The following NBPF20 variants were observed in gnomAD, a reference collection of about 807,000 sequenced individuals.
NBPF20 encodes the protein NBPF member 20, also known as NBPF family member NBPF20.
NBPF20 carries 90 observed loss-of-function variants against 68.1 expected under a neutral mutation model. The observed-to-expected ratio is 1.32, with a 90% CI of 1.11 to 1.58. The LOEUF (loss-of-function observed/expected upper bound fraction) is 1.58. Among genes scored for constraint, NBPF20 ranks in the 40% most tolerant of loss-of-function variants. The pLI is 0.00. For synonymous variants in NBPF20, 290 were observed against 228.1 expected, an observed-to-expected ratio of 1.27 and a Z score of -2.45; for missense variants, 816 against 601.2, an observed-to-expected ratio of 1.36 and a Z score of -3.74.
At chr1:145,397,918 A>C (rs1296007059) in intron 7 of NBPF20, among the ~76,000 whole-genome samples, 1 of 152,190 alleles carries the variant, frequency 6.6e-6, no homozygotes, top group African/African-American at 2.4e-5. Context: ...AAACAAAAAA[A>C]GGCAGGGGTT....
intron 79 of NBPF20, among the ~76,000 whole-genome samples, chr1:145,338,053 AG>A (rs1661588959): frequency 2.6e-5 from 2 of 78,332 alleles, no homozygotes; most frequent in African/African-American, 1.0e-4. Flanking sequence ...ACACACACAC[AG>A]AGAGAGAGAG....
exon 4 of NBPF20, chr1:145,402,336 C>G: frequency 6.2e-7 from 1 of 1,603,762 alleles, no homozygotes; most frequent in Admixed American, 1.7e-5. Context: ...TCTCCCTTAA[C>G]TGGGTCAGCT....
upstream of NBPF20, chr1:145,407,975 G>A (rs1312796185): frequency 5.7e-6 from 1 of 175,910 alleles, no homozygotes; most frequent in African/African-American, 2.4e-5. Context: ...CTGTGGTCCT[G>A]GACTCACTGC....
intron 6 of NBPF20, among the ~76,000 whole-genome samples, chr1:145,399,903 A>T (rs1441748492): frequency 1.3e-4 from 20 of 151,780 alleles, no homozygotes; most frequent in Non-Finnish European, 2.5e-4. Context: ...AGTAAAGAAG[A>T]AAAGTTTCTG....
At chr1:145,407,196 C>T (rs1662826468), upstream of NBPF20, among the ~76,000 whole-genome samples, 2 of 150,452 alleles carry the variant, frequency 1.3e-5, no homozygotes, top group African/African-American at 4.9e-5. Context: ...GCGGTGCGAG[C>T]ATGTTCTCAC....
intron 8 of NBPF20, among the ~76,000 whole-genome samples, 159 bp from the exon 14 acceptor site, chr1:145,394,094 G>T (rs1330454190): frequency 6.6e-6 from 1 of 152,010 alleles, no homozygotes; most frequent in African/African-American, 2.4e-5. Context: ...GTCAAGTCTT[G>T]AGAAAACTGG....
chr1:145,403,263 G>C, exon 3 of NBPF20: 1 of 1,612,154 alleles, frequency 6.2e-7, no homozygotes. Context: ...TCTCCTCCTT[G>C]AACTGTCGCT....
rs782609540 is a variant in NBPF20, at chr1:145,291,685, G to C, written c.16782C>G (p.Tyr5594Ter). The change falls in exon 138 of 138, where the codon TAC becomes TAG. Residue 5594 changes from tyrosine to a stop codon, truncating the protein, a stop_gained. Transcript: ENST00000369373. LOFTEE classifies it high-confidence loss of function. ...GCTGGAATGAGTCAGGTAGTTCAAA[G>C]TACATTGACGGAGTAGAATAACATC... 1.4e-5 allele frequency: 22 copies of C among 1,611,810 alleles called. No individual in the cohort carries two copies. Among genetic ancestry groups the C allele is most frequent in the African/African-American group, 2.7e-5 (2 of 74,784 alleles).
chr1:145,424,219 G>A, the NBPF20 span, among the ~76,000 whole-genome samples: 1 of 149,118 alleles, frequency 6.7e-6, no homozygotes, highest in African/African-American at 2.5e-5. Flanking sequence ...CAAGTGATCC[G>A]CCCACCTTGG....
intron 9 of NBPF20, 139 bp downstream of exon 14, chr1:145,393,745 C>T: frequency 6.6e-7 from 1 of 1,515,068 alleles, no homozygotes; most frequent in Non-Finnish European, 9.0e-7. Context: ...CTAATGAGAA[C>T]CAGAAAGCAA....
At chr1:145,405,747 AGACCCGTG>A (rs1314990502), upstream of NBPF20, 1 of 447,494 alleles carries the variant, frequency 2.2e-6, no homozygotes, top group Non-Finnish European at 3.9e-6. Context: ...ACAATGCCAC[AGACCCGTG>A]TCTTTCCCAA....
the NBPF20 span, among the ~76,000 whole-genome samples, chr1:145,411,458 C>A: frequency 5.9e-5 from 6 of 101,116 alleles, no homozygotes; most frequent in African/African-American, 2.4e-4. Context: ...GTGATGCGAT[C>A]TCGGCTCACT....
the NBPF20 span, among the ~76,000 whole-genome samples, chr1:145,424,409 G>T: frequency 6.6e-6 from 1 of 152,144 alleles, no homozygotes; most frequent in Admixed American, 6.5e-5. Context: ...GTTCACTGGT[G>T]AAATTTTACT....
At chr1:145,424,553 C>G in the NBPF20 span, among the ~76,000 whole-genome samples, 2 of 152,212 alleles carry the variant, frequency 1.3e-5, no homozygotes, top group Non-Finnish European at 2.9e-5. Context: ...ATGAACAACA[C>G]TGTAACCCAA....
At chr1:145,422,925 T>A in the NBPF20 span, among the ~76,000 whole-genome samples, 1 of 143,200 alleles carries the variant, frequency 7.0e-6, no homozygotes, top group African/African-American at 2.6e-5. Flanking sequence ...GAGGTGGAGG[T>A]TGCAGTGAGC....
At chr1:145,291,960 A>AAGACAGAGAGAGAGAGAGAGACAG (rs1558961134) in intron 137 of NBPF20, among the ~76,000 whole-genome samples, 191 bp from the exon 143 acceptor site, 1 of 150,862 alleles carries the variant, frequency 6.6e-6, no homozygotes, top group Non-Finnish European at 1.5e-5. Context: ...ATGAAAGAGA[A>AAGACAGAGAGAGAGAGAGAGACAG]AGACAGAGAG....
chr1:145,393,318 T>A, intron 9 of NBPF20, 72 bp from the exon 15 acceptor site: 1 of 681,488 alleles, frequency 1.5e-6, no homozygotes, highest in South Asian at 1.7e-5. Context: ...CTAGATTTCA[T>A]GGCTAACGTA....
intron 7 of NBPF20, among the ~76,000 whole-genome samples, chr1:145,395,686 C>T (rs1248875641): frequency 6.7e-6 from 1 of 148,822 alleles, no homozygotes; most frequent in Admixed American, 6.6e-5. Flanking sequence ...AGAGAATAGG[C>T]AACACCAAGA....
the NBPF20 span, among the ~76,000 whole-genome samples, chr1:145,425,439 C>T: frequency 6.6e-6 from 1 of 152,210 alleles, no homozygotes; most frequent in Non-Finnish European, 1.5e-5. Context: ...CCGCTCCTGG[C>T]GCCACAGGTC....
Sources: gnomAD v4.1 joint callset for allele counts (sites outside exome capture counted in the v4.1 genomes callset) on GRCh38, gnomAD v4.1.1 for gene constraint, MANE v1.5 for transcripts, NCBI Gene and HGNC (gene_info 2026-07-23, HGNC 2026-07-21) for gene names.